PTPRN2: variants seen among roughly 807,000 people sequenced by gnomAD.
PTPRN2 encodes protein tyrosine phosphatase receptor type N2.
Under a neutral mutation model 118.8 loss-of-function variants are expected in PTPRN2, and 74 were observed. The ratio of observed to expected loss-of-function variants is 0.62; its 90% CI spans 0.52 to 0.76. PTPRN2 has a LOEUF of 0.76. Ranked by LOEUF, PTPRN2 falls within the 30% of genes least tolerant of loss-of-function variation. The pLI is 0.00. For missense variants in PTPRN2, 1,481 were observed against 1,394.4 expected, an observed-to-expected ratio of 1.06 and a Z score of -0.99; for synonymous variants, 641 against 608.0, an observed-to-expected ratio of 1.05 and a Z score of -0.80.
intron 5 of PTPRN2, among the ~76,000 whole-genome samples, chr7:158,174,256 C>T (rs2150629129): frequency 6.6e-6 from 1 of 152,290 alleles, no homozygotes; most frequent in Admixed American, 6.5e-5. Context: ...TTTGGGGTCC[C>T]TGACTTCCCG....
intron 11 of PTPRN2, among the ~76,000 whole-genome samples, chr7:158,040,643 T>C (rs1808393348): frequency 6.6e-6 from 1 of 152,006 alleles, no homozygotes; most frequent in Non-Finnish European, 1.5e-5. Context: ...AGTGAAATAA[T>C]ACTTCAAAAC....
chr7:158,387,531 C>A (rs1811538253), intron 2 of PTPRN2, among the ~76,000 whole-genome samples: 1 of 152,302 alleles, frequency 6.6e-6, no homozygotes, highest in Admixed American at 6.5e-5. Flanking sequence ...CTCTCTGGGT[C>A]CTGGGGGGAC....
intron 14 of PTPRN2, among the ~76,000 whole-genome samples, chr7:157,637,174 C>A (rs1263572): frequency 0.45 from 68,422 of 152,046 alleles, 16,419 homozygotes; most frequent in Middle Eastern, 0.61. Context: ...TAGTTTAAGC[C>A]ATGAGTTACT....
Position 157,576,571 on chromosome 7 carries a change from C to A in PTPRN2, c.2783+42G>T, listed in dbSNP as rs770463128. On this transcript the variant is annotated intron_variant, in intron 19 of 22. Coordinates refer to ENST00000389418, the MANE Select transcript of PTPRN2 (RefSeq NM_002847.5). ...CGAAGCCTCGCTCCCCTGTGCCGCGCGCTCAGCGCGCACTGCCCTGCCGGC... is the reference window on the plus strand; with the variant it reads ...CGAAGCCTCGCTCCCCTGTGCCGCGAGCTCAGCGCGCACTGCCCTGCCGGC... 8.4e-6 allele frequency: 13 copies of A among 1,555,340 alleles called. No individual in the cohort carries two copies. In the Admixed American group the frequency reaches 1.3e-4, roughly 15 times the overall value.
At chr7:158,489,385 T>C (rs1053103067) in intron 2 of PTPRN2, among the ~76,000 whole-genome samples, 6 of 152,178 alleles carry the variant, frequency 3.9e-5, no homozygotes, top group Non-Finnish European at 7.4e-5. Context: ...AGGCGAAGGT[T>C]GCAGTGAGAG....
chr7:158,132,968 A>C (rs993157635), intron 9 of PTPRN2, among the ~76,000 whole-genome samples: 2 of 152,134 alleles, frequency 1.3e-5, no homozygotes, highest in African/African-American at 4.8e-5. Context: ...AAAACACAAC[A>C]CTTGTACAAA....
At chr7:157,584,804 T>C (rs961208062) in intron 17 of PTPRN2, among the ~76,000 whole-genome samples, 2 of 152,182 alleles carry the variant, frequency 1.3e-5, no homozygotes, top group Admixed American at 6.5e-5. Context: ...CTGAGACAGA[T>C]TAAAGAGGAA....
rs369816860 is a variant in PTPRN2, at chr7:157,672,234, G to A, written c.2001+10491C>T. ...AGCAAGACAGACGCATGCCCGGGGC[G>A]AGGAAGGGGAGCCTGGAAATCCACC... is the stretch of plus-strand genomic sequence containing the variant. On this transcript the variant is annotated intron_variant, in intron 13 of 22. Transcript: ENST00000389418. 4.3e-3 allele frequency among the ~76,000 whole-genome samples: 660 copies of A among 152,266 alleles called. 8 individuals are homozygous for A. The highest frequency in any genetic ancestry group is 7.7e-3 in the Non-Finnish European group (521 of 68,016).
At chr7:158,506,185 C>T (rs1443434533) in intron 1 of PTPRN2, among the ~76,000 whole-genome samples, 3 of 152,162 alleles carry the variant, frequency 2.0e-5, no homozygotes, top group African/African-American at 4.8e-5. Flanking sequence ...GAGGCTTCGG[C>T]GTCGGACAAC....
At chr7:158,333,603 C>G (rs1234589435) in intron 2 of PTPRN2, among the ~76,000 whole-genome samples, 305 of 150,598 alleles carry the variant, frequency 2.0e-3, no homozygotes, top group African/African-American at 7.4e-3. Context: ...CACACCCACA[C>G]TCTCACTATA....
chr7:157,872,249 A>C (rs368025703), intron 12 of PTPRN2, among the ~76,000 whole-genome samples: 13 of 116,124 alleles, frequency 1.1e-4, no homozygotes, highest in African/African-American at 4.5e-4. Context: ...CCCCACACAC[A>C]CATATCCAGT....
chr7:157,677,529 T>C (rs1796726175), intron 13 of PTPRN2, among the ~76,000 whole-genome samples: 1 of 152,216 alleles, frequency 6.6e-6, no homozygotes, highest in African/African-American at 2.4e-5. Flanking sequence ...TTTTGGAAAC[T>C]GCATCTGTGA....
chr7:158,322,608 G>A (rs1334368625), intron 2 of PTPRN2, among the ~76,000 whole-genome samples: 4 of 152,270 alleles, frequency 2.6e-5, no homozygotes, highest in Non-Finnish European at 5.9e-5. Context: ...GCAGCTCCGT[G>A]CATGGCAGCA....
chr7:157,865,788 G>A (rs1042354673), intron 12 of PTPRN2: 1 of 152,220 alleles, frequency 6.6e-6, no homozygotes, highest in Non-Finnish European at 1.5e-5. Flanking sequence ...GCAGCCCCAG[G>A]TCCTGATGTT....
At chr7:158,545,774 G>A (rs1009519117) in intron 1 of PTPRN2, among the ~76,000 whole-genome samples, 3 of 152,134 alleles carry the variant, frequency 2.0e-5, no homozygotes, top group Admixed American at 1.3e-4. Context: ...TGAGGTGGGC[G>A]GATCACCTGA....
chr7:158,122,220 G>A (rs150235070), intron 9 of PTPRN2, among the ~76,000 whole-genome samples: 335 of 152,334 alleles, frequency 2.2e-3, no homozygotes, highest in African/African-American at 7.6e-3. Context: ...TGAAGATGGC[G>A]TCTCCTCTCT....
intron 12 of PTPRN2, among the ~76,000 whole-genome samples, chr7:157,735,340 G>C (rs1800235565): frequency 6.6e-6 from 1 of 152,230 alleles, no homozygotes; most frequent in Non-Finnish European, 1.5e-5. Context: ...TGTGGACCCA[G>C]CTGGGTGCAG....
chr7:157,919,449 T>C (rs890046738), intron 11 of PTPRN2, among the ~76,000 whole-genome samples: 1 of 152,072 alleles, frequency 6.6e-6, no homozygotes, highest in Non-Finnish European at 1.5e-5. Flanking sequence ...GCTTCCATGA[T>C]GATAAGAGAG....
At chr7:158,452,973 G>A (rs1014936552) in intron 2 of PTPRN2, among the ~76,000 whole-genome samples, 6 of 152,196 alleles carry the variant, frequency 3.9e-5, no homozygotes, top group Admixed American at 2.6e-4. Flanking sequence ...GGAGCACCCC[G>A]AGGATCCACC....
Sources: allele counts gnomAD v4.1 joint callset (sites outside exome capture counted in the v4.1 genomes callset), GRCh38; gene constraint gnomAD v4.1.1; transcripts MANE v1.5; gene names NCBI Gene and HGNC (gene_info 2026-07-23, HGNC 2026-07-21).